Variants in POLR1A observed in about 807,000 individuals in gnomAD.
POLR1A encodes the protein RNA polymerase I subunit A.
Under a neutral mutation model 205.3 loss-of-function variants are expected in POLR1A, and 84 were observed. That is an observed-to-expected ratio of 0.41 (90% CI 0.34 to 0.49). POLR1A has a LOEUF of 0.49. POLR1A is among the 20% of genes least tolerant of loss of function. The pLI is 0.22. For missense variants in POLR1A, 1,645 were observed against 2,204.5 expected, an observed-to-expected ratio of 0.75 and a Z score of 5.08; for synonymous variants, 799 against 863.7, an observed-to-expected ratio of 0.93 and a Z score of 1.31.
intron 12 of POLR1A, among the ~76,000 whole-genome samples, chr2:86,071,246 G>A (rs1368194240): frequency 6.6e-6 from 1 of 151,514 alleles, no homozygotes; most frequent in African/African-American, 2.4e-5. Flanking sequence ...GTGTGTGTGT[G>A]TGTGTGTGTG....
chr2:86,039,219 A>T, intron 26 of POLR1A, 108 bp downstream of exon 26: 1 of 1,219,332 alleles, frequency 8.2e-7, no homozygotes, highest in Non-Finnish European at 1.2e-6. Context: ...CATTGGTGGG[A>T]ATCTGAGCCT....
At position 86,028,772 on chromosome 2, in the gene POLR1A, C is replaced by A; in HGVS notation, c.4780-61G>T. ...CTGGCCTTCTGCTCCCTTCTGCCTGCGTATCTCCCCCTGGCCGCTCTCTCT... is the reference window on the plus strand; with the variant it reads ...CTGGCCTTCTGCTCCCTTCTGCCTGAGTATCTCCCCCTGGCCGCTCTCTCT... On this transcript the variant is annotated intron_variant, in intron 31 of 33. Coordinates refer to ENST00000263857, the MANE Select transcript of POLR1A (RefSeq NM_015425.6). The surrounding 1 kb of genome is among the most constrained non-coding windows in gnomAD (Gnocchi z 4.5). 23 of 1,221,444 alleles carry A rather than the reference C, an allele frequency of 1.9e-5. No individual in the cohort carries two copies. The highest frequency in any genetic ancestry group is 2.5e-5 in the Non-Finnish European group (21 of 829,578). 75.7% of individuals were successfully genotyped at this position (1,221,444 alleles called of 1,614,324 possible).
intron 7 of POLR1A, among the ~76,000 whole-genome samples, chr2:86,082,427 T>A (rs887584246): frequency 3.3e-5 from 5 of 152,136 alleles, no homozygotes; most frequent in African/African-American, 1.2e-4. Flanking sequence ...CAAGAAAGGA[T>A]CTTCTGTGGA....
At chr2:86,063,335 CAAAA>C (rs34298205) in intron 14 of POLR1A, among the ~76,000 whole-genome samples, 28 of 41,240 alleles carry the variant, frequency 6.8e-4, no homozygotes, top group African/African-American at 2.3e-3. Flanking sequence ...AACTCCATCT[CAAAA>C]AAAAAAAAAA....
chr2:86,091,031 T>C (rs1673591505), intron 3 of POLR1A, among the ~76,000 whole-genome samples: 1 of 152,200 alleles, frequency 6.6e-6, no homozygotes. Context: ...CAGGAAGCCA[T>C]CATTCTTCAC....
At chr2:86,051,365 C>T (rs1573811786) in intron 16 of POLR1A, among the ~76,000 whole-genome samples, 1 of 145,748 alleles carries the variant, frequency 6.9e-6, no homozygotes, top group Non-Finnish European at 1.5e-5. Flanking sequence ...TTCATGTATG[C>T]TTTTTTTTTT....
intron 4 of POLR1A, among the ~76,000 whole-genome samples, chr2:86,089,278 A>T (rs950367740): frequency 3.9e-5 from 6 of 152,268 alleles, no homozygotes; most frequent in Non-Finnish European, 7.3e-5. Flanking sequence ...CAGTCCAGCC[A>T]CATGAGTGGC....
At chr2:86,047,971 T>A (rs1056636791) in intron 18 of POLR1A, among the ~76,000 whole-genome samples, 1 of 152,114 alleles carries the variant, frequency 6.6e-6, no homozygotes, top group Non-Finnish European at 1.5e-5. Context: ...ACTCCTAGCA[T>A]CCCCAGTCAG....
intron 27 of POLR1A, chr2:86,037,125 T>G (rs1448239994): frequency 6.6e-6 from 1 of 152,318 alleles, no homozygotes; most frequent in Non-Finnish European, 1.5e-5. Context: ...CCCCCTGCAC[T>G]TGGTAGTTAT....
chr2:86,028,636 G>A lies in POLR1A; in HGVS notation c.4855C>T (p.Arg1619Trp), dbSNP rs1489364223. Residue 1619 changes from arginine to tryptophan, a missense_variant, in exon 32 of 34, where the codon CGG (arginine) becomes TGG (tryptophan). Around this residue, in one of 16 missense-constraint regions of POLR1A, gnomAD observed 86 missense variants for 149.8 expected, o/e 0.57. Transcript: ENST00000263857. This position sits in a 1 kb window ranked among gnomAD's most constrained non-coding sequence, Gnocchi z 4.5. The stretch of plus-strand genomic sequence containing the variant: ...TCCTTGATCTCCTTCTCGATCACCC[G>A]CAGCGCGGCCTCAATGCCATACGTG... ...ANTYGIEAAL[R>W]VIEKEIKDVF... 8 of 1,614,060 alleles carry A rather than the reference G, an allele frequency of 5.0e-6. No individual in the cohort carries two copies. Among genetic ancestry groups the A allele is most frequent in the African/African-American group, 2.7e-5 (2 of 75,036 alleles).
intron 27 of POLR1A, among the ~76,000 whole-genome samples, chr2:86,036,522 G>C (rs759748066): frequency 1.3e-5 from 2 of 152,148 alleles, no homozygotes; most frequent in African/African-American, 2.4e-5. Flanking sequence ...AGGAAGGAAG[G>C]GGGAGGGATG....
intron 19 of POLR1A, 71 bp from the exon 20 acceptor site, chr2:86,045,840 G>T: frequency 7.2e-7 from 1 of 1,384,040 alleles, no homozygotes; most frequent in Non-Finnish European, 1.0e-6. Context: ...TCCCAGCAGG[G>T]AAAGTATAAT....
chr2:86,099,859 A>G, intron 2 of POLR1A, 109 bp downstream of exon 2: 1 of 823,234 alleles, frequency 1.2e-6, no homozygotes. Flanking sequence ...GAATGCTTTC[A>G]TTGGAGTGCC....
At chr2:86,055,093 G>A (rs954762285) in intron 14 of POLR1A, among the ~76,000 whole-genome samples, 1 of 152,184 alleles carries the variant, frequency 6.6e-6, no homozygotes, top group Non-Finnish European at 1.5e-5. Flanking sequence ...TCAAGAGATC[G>A]AGACCATCCT....
rs757127203 is a variant in POLR1A, at chr2:86,089,852, C to T, written c.510G>A (p.Gln170=). 1.2e-6 allele frequency: 2 copies of T among 1,611,858 alleles called. No homozygotes were observed. Among genetic ancestry groups the T allele is most frequent in the Admixed American group, 1.7e-5 (1 of 60,008 alleles). The change falls in exon 4 of 34, where the codon CAG becomes CAA. Residue 170 remains glutamine (Q), a synonymous_variant. Coordinates refer to ENST00000263857, the MANE Select transcript of POLR1A (RefSeq NM_015425.6). The stretch of plus-strand genomic sequence containing the variant: ...CGCCCTGGGACCCCAGGAGGTTGTT[C>T]TGCACAATTTCAGTTGTGTATTGTT... ...ELEQYTTEIV[Q]NNLLGSQGAH...
intron 12 of POLR1A, among the ~76,000 whole-genome samples, chr2:86,072,290 G>A (rs1016377686): frequency 5.9e-5 from 9 of 152,214 alleles, no homozygotes; most frequent in Non-Finnish European, 1.3e-4. Context: ...GTTCCCATGA[G>A]CATCTGCCCA....
At position 86,086,596 on chromosome 2, in the gene POLR1A, C is replaced by A. The variant is rs1673508773; in HGVS notation, c.730+1970G>T. Among the ~76,000 whole-genome samples the A allele has an allele frequency of 1.3e-5, 2 of 152,116 alleles. 1 individual carries two copies. Among genetic ancestry groups the A allele is most frequent in the South Asian group, 4.1e-4 (2 of 4,836 alleles). ...CCTTGGCATAATGCTGAGCACCCAA[C>A]AAATAAATGTGTGCTAAATACTGAA... On this transcript the variant is annotated intron_variant, in intron 6 of 33. Transcript: ENST00000263857.
In POLR1A at chr2:86,070,277, G is replaced by C. The variant is rs188842106; in HGVS notation, c.1612-5C>G. 6.2e-7 allele frequency: 1 copy of C among 1,601,476 alleles called. No homozygotes were observed. Among genetic ancestry groups the C allele is most frequent in the Non-Finnish European group, 8.5e-7 (1 of 1,172,210 alleles). ...ATTCTTCACATGCCGGCACACCTGG[G>C]AACAGAGTGGACAGGTGGGTGATCA... On this transcript the variant is annotated splice_region_variant and splice_polypyrimidine_tract_variant and intron_variant, in intron 12 of 33. Coordinates refer to ENST00000263857, the MANE Select transcript of POLR1A (RefSeq NM_015425.6). The surrounding 1 kb of genome is among the most constrained non-coding windows in gnomAD (Gnocchi z 4.4).
Position 86,020,321 on chromosome 2 carries a change from G to A in POLR1A, c.*7102C>T, listed in dbSNP as rs1205956807. The A allele has an allele frequency of 6.6e-6, 1 of 152,148 alleles. No individual in the cohort carries two copies. The highest frequency in any genetic ancestry group is 1.5e-5 in the Non-Finnish European group (1 of 68,046). 9.4% of individuals were successfully genotyped at this position (152,148 alleles called of 1,614,324 possible). On this transcript the variant is annotated 3_prime_UTR_variant, in exon 34 of 34. Transcript: ENST00000263857. ...TAATCCCAGCACTTTGGAAGGTGAA[G>A]GCAGCAGATCGTGTGAGCTCAGGAG...
Sources: allele counts gnomAD v4.1 joint callset (sites outside exome capture counted in the v4.1 genomes callset), GRCh38; gene constraint gnomAD v4.1.1; regional missense constraint gnomAD v4.1.1; non-coding constraint Gnocchi (gnomAD v3.1); transcripts MANE v1.5; gene names NCBI Gene and HGNC (gene_info 2026-07-23, HGNC 2026-07-21).